The following GEMIN8 variants were observed in gnomAD, a reference collection of about 807,000 sequenced individuals.
The protein encoded by GEMIN8 is gem-associated protein 8.
For missense variants in GEMIN8, 185 were observed against 205.9 expected, an observed-to-expected ratio of 0.90 and a Z score of 0.62; for synonymous variants, 80 against 78.5, an observed-to-expected ratio of 1.02 and a Z score of -0.10.
chrX:13,994,943 C>A, the GEMIN8 span, among the ~76,000 whole-genome samples: 1 of 112,094 alleles, frequency 8.9e-6, no homozygotes, highest in African/African-American at 3.2e-5. Context: ...CTCACACAAT[C>A]ACAAGGTGAA....
the GEMIN8 span, among the ~76,000 whole-genome samples, chrX:13,985,029 C>T: frequency 9.0e-6 from 1 of 111,508 alleles, no homozygotes. Flanking sequence ...GGGACAGGGT[C>T]TGCTACAGGA....
At chrX:14,020,015 G>GA in intron 4 of GEMIN8, 63 bp downstream of exon 4, 11 of 631,585 alleles carry the variant, frequency 1.7e-5, no homozygotes, top group Non-Finnish European at 2.5e-5. Context: ...ATATATTAGA[G>GA]AAAAAAAATG....
rs980337230 is a variant in GEMIN8, at chrX:14,017,033, A to T, written c.472+3045T>A. On this transcript the variant is annotated intron_variant, in intron 4 of 4. Transcript: ENST00000680255. ...TTTATTGGGCACCAACTTGGTACCA[A>T]GCACCATTCTATAACTTTTCTCATA... Among the ~76,000 whole-genome samples the T allele has an allele frequency of 9.2e-5, 10 of 108,455 alleles. No individual in the cohort carries two copies. In the South Asian group the frequency reaches 4.1e-3, roughly 44 times the overall value. The allele number at this position is 108,455 out of a possible 115,157, so 94.2% of individuals were successfully genotyped here.
At chrX:14,023,693 A>G (rs1341505989) in intron 2 of GEMIN8, among the ~76,000 whole-genome samples, 12 of 112,346 alleles carry the variant, frequency 1.1e-4, no homozygotes, top group South Asian at 3.6e-4. Flanking sequence ...TTATATTTTT[A>G]TCACTAAAAT....
intron 2 of GEMIN8, among the ~76,000 whole-genome samples, chrX:14,022,056 ATG>A (rs1334741438): frequency 6.9e-4 from 70 of 101,642 alleles, no homozygotes; most frequent in East Asian, 1.9e-3. Context: ...GTGTATATAT[ATG>A]TGTGTGTGTG....
At chrX:14,018,220 T>C (rs1380305128) in intron 4 of GEMIN8, among the ~76,000 whole-genome samples, 8 of 112,556 alleles carry the variant, frequency 7.1e-5, no homozygotes, top group Non-Finnish European at 1.3e-4. Context: ...TACCTAACAA[T>C]GGCAAGAGGG....
chrX:13,994,772 T>C, the GEMIN8 span, among the ~76,000 whole-genome samples: 1 of 112,512 alleles, frequency 8.9e-6, no homozygotes, highest in Non-Finnish European at 1.9e-5. Context: ...TCAGCATATA[T>C]GAATACCATT....
chrX:14,029,823 GC>G lies in GEMIN8; in HGVS notation c.-163del. The G allele has an allele frequency of 8.8e-6, 1 of 113,372 alleles. No homozygotes were observed. Among genetic ancestry groups the G allele is most frequent in the East Asian group, 2.8e-4 (1 of 3,564 alleles). The allele number at this position is 113,372 out of a possible 1,213,427, so 9.3% of individuals were successfully genotyped here. On this transcript the variant is annotated 5_prime_UTR_variant, in exon 1 of 5. Coordinates refer to ENST00000680255, the MANE Select transcript of GEMIN8 (RefSeq NM_001042479.2). ...GATCCTGGGCGTTGGCCGCGCAGGG[GC>G]CTAGTTTTCCTTGGAGAGACAGAGG... is the stretch of plus-strand genomic sequence containing the variant.
downstream of GEMIN8, among the ~76,000 whole-genome samples, chrX:14,002,822 AG>A (rs1381753611): frequency 2.7e-5 from 3 of 112,207 alleles, no homozygotes; most frequent in Non-Finnish European, 3.8e-5. Context: ...TTTTTAATGC[AG>A]GTCCTCTCTA....
Position 14,020,405 on chromosome X carries a change from A to C in GEMIN8, c.145T>G (p.Cys49Gly). ...HNAYRKAVES[C>G]FNLPWYLPSA... Reference sequence around the variant, plus strand: ...GGTAAGTACCATGGAAGATTGAAACAGGATTCCACGGCCTTCCTGTAGGCA... The same window carrying C: ...GGTAAGTACCATGGAAGATTGAAACCGGATTCCACGGCCTTCCTGTAGGCA... Residue 49 changes from cysteine to glycine, a missense_variant, in exon 4 of 5, where the codon TGT (cysteine) becomes GGT (glycine). Cys to Gly is a radical substitution (Grantham distance 159). Transcript: ENST00000680255. The C allele has an allele frequency of 1.7e-6, 2 of 1,209,422 alleles. No individual in the cohort carries two copies. The highest frequency in any genetic ancestry group is 2.2e-6 in the Non-Finnish European group (2 of 893,213).
At chrX:13,995,437 A>G in the GEMIN8 span, among the ~76,000 whole-genome samples, 1 of 111,763 alleles carries the variant, frequency 8.9e-6, no homozygotes, top group African/African-American at 3.3e-5. Context: ...TCACTAACCA[A>G]TCACACATTT....
At chrX:14,001,539 T>C in the GEMIN8 span, among the ~76,000 whole-genome samples, 1 of 111,104 alleles carries the variant, frequency 9.0e-6, no homozygotes, top group Non-Finnish European at 1.9e-5. Flanking sequence ...TTTTTTCCCC[T>C]GAGACAGAGT....
chrX:13,988,467 A>C, the GEMIN8 span, among the ~76,000 whole-genome samples: 5 of 108,849 alleles, frequency 4.6e-5, no homozygotes, highest in African/African-American at 1.7e-4. Flanking sequence ...TCAGTTAATA[A>C]ACAACTGAGC....
the GEMIN8 span, among the ~76,000 whole-genome samples, chrX:13,999,518 C>T: frequency 5.6e-3 from 626 of 111,197 alleles, no homozygotes; most frequent in Non-Finnish European, 8.7e-3. Flanking sequence ...TCAGGTAATC[C>T]GCCCGCCTCA....
chrX:14,022,723 A>G (rs920412960), intron 2 of GEMIN8, among the ~76,000 whole-genome samples: 1 of 112,357 alleles, frequency 8.9e-6, no homozygotes, highest in Non-Finnish European at 1.9e-5. Flanking sequence ...AACACAATGT[A>G]ATGCTGAGCA....
the GEMIN8 span, among the ~76,000 whole-genome samples, chrX:13,987,317 C>T: frequency 8.9e-6 from 1 of 112,300 alleles, no homozygotes; most frequent in African/African-American, 3.2e-5. Context: ...TCTATTTCAA[C>T]CCATCATTCA....
At chrX:13,999,433 C>T in the GEMIN8 span, among the ~76,000 whole-genome samples, 2 of 109,843 alleles carry the variant, frequency 1.8e-5, no homozygotes, top group Admixed American at 9.8e-5. Flanking sequence ...TGTGTCACCA[C>T]GCCCGGCTAA....
At chrX:14,014,184 T>C in intron 4 of GEMIN8, 1 of 751,332 alleles carries the variant, frequency 1.3e-6, no homozygotes, top group South Asian at 6.8e-5. Flanking sequence ...TCCCCTCACT[T>C]TCCTAGGACT....
At chrX:13,999,577 G>A in the GEMIN8 span, among the ~76,000 whole-genome samples, 1 of 111,361 alleles carries the variant, frequency 9.0e-6, no homozygotes, top group Admixed American at 9.6e-5. Flanking sequence ...CGCCCGGCCG[G>A]CTGTATCTAG....
Sources: gnomAD v4.1 joint callset for allele counts (sites outside exome capture counted in the v4.1 genomes callset) on GRCh38, gnomAD v4.1.1 for gene constraint, MANE v1.5 for transcripts, NCBI Gene and HGNC (gene_info 2026-07-23, HGNC 2026-07-21) for gene names.